XRCC1: variants seen among roughly 807,000 people sequenced by gnomAD.
XRCC1 encodes DNA repair protein XRCC1.
Under a neutral mutation model 83.3 loss-of-function variants are expected in XRCC1, and 52 were observed. The ratio of observed to expected loss-of-function variants is 0.62; its 90% CI spans 0.50 to 0.79. XRCC1 has a LOEUF of 0.79. XRCC1 is among the 30% of genes least tolerant of loss of function. The pLI is 0.00. For synonymous variants in XRCC1, 281 were observed against 312.6 expected (o/e 0.90, Z 1.07); for missense variants, 793 against 823.5 (o/e 0.96, Z 0.45).
At chr19:43,561,851 G>A (rs996277393) in intron 2 of XRCC1, among the ~76,000 whole-genome samples, 4 of 152,060 alleles carry the variant, frequency 2.6e-5, no homozygotes, top group Admixed American at 6.6e-5. Flanking sequence ...CTAGAATGAC[G>A]CATTATTACA....
intron 4 of XRCC1, among the ~76,000 whole-genome samples, chr19:43,554,432 A>T (rs1433669728): frequency 1.0e-5 from 1 of 99,626 alleles, no homozygotes; most frequent in Non-Finnish European, 2.0e-5. Flanking sequence ...GAGATGCTGC[A>T]GTTCACCCTT....
At chr19:43,566,072 C>T (rs1718228048) in intron 2 of XRCC1, among the ~76,000 whole-genome samples, 1 of 151,786 alleles carries the variant, frequency 6.6e-6, no homozygotes, top group African/African-American at 2.4e-5. Flanking sequence ...CCTGTCTCTA[C>T]TAAAAATATA....
chr19:43,553,756 C>T (rs2146053184), intron 4 of XRCC1, 73 bp from the exon 5 acceptor site: 2 of 1,285,820 alleles, frequency 1.6e-6, no homozygotes, highest in Non-Finnish European at 2.1e-6. Context: ...CCTTTTCACT[C>T]AGGGAAACCT....
intron 2 of XRCC1, 49 bp downstream of exon 2, chr19:43,574,861 C>T: frequency 6.7e-7 from 1 of 1,503,220 alleles, no homozygotes; most frequent in Non-Finnish European, 9.3e-7. Context: ...GAATCTGGAA[C>T]CCCGGACTCC....
At chr19:43,556,784 G>A (rs1972640583) in intron 3 of XRCC1, among the ~76,000 whole-genome samples, 1 of 151,710 alleles carries the variant, frequency 6.6e-6, no homozygotes, top group Non-Finnish European at 1.5e-5. Context: ...AAGCCTGGTG[G>A]ACAAGAGGCC....
chr19:43,554,510 A>G (rs1389889173), intron 4 of XRCC1, 136 bp downstream of exon 4: 4 of 1,150,492 alleles, frequency 3.5e-6, no homozygotes, highest in Non-Finnish European at 2.4e-6. Flanking sequence ...CAGGGAACGC[A>G]GGGACCCAGC....
In XRCC1 at chr19:43,552,224, T is replaced by G. The variant is rs753366806; in HGVS notation, c.875A>C (p.Gln292Pro). 4.3e-6 allele frequency: 7 copies of G among 1,613,478 alleles called. No individual in the cohort carries two copies. The South Asian group carries it at 7.7e-5, about 18-fold the overall frequency. ...TCGGGGTTTGCCTGTCACTGCCCCCTGTGCTCGGGCAGGGACTGGGGCTGT... is the reference window on the plus strand; with the variant it reads ...TCGGGGTTTGCCTGTCACTGCCCCCGGTGCTCGGGCAGGGACTGGGGCTGT... ...PATAPVPARA[Q>P]GAVTGKPRGE... Residue 292 changes from glutamine to proline, a missense_variant, in exon 9 of 17, where the codon CAG (glutamine) becomes CCG (proline). Coordinates refer to ENST00000262887, the MANE Select transcript of XRCC1 (RefSeq NM_006297.3).
intron 10 of XRCC1, among the ~76,000 whole-genome samples, chr19:43,547,648 ATTTTGTGTT>A (rs1406141915): frequency 1.3e-5 from 2 of 151,302 alleles, no homozygotes; most frequent in African/African-American, 2.4e-5. Context: ...CGCCTGGCTA[ATTTTGTGTT>A]TTTTGTGTTG....
At chr19:43,561,074 T>C in intron 2 of XRCC1, 54 bp from the exon 3 acceptor site, 2 of 1,392,736 alleles carry the variant, frequency 1.4e-6, no homozygotes, top group East Asian at 2.3e-5. Context: ...CTGGGCTCAC[T>C]GTGGGACCTC....
intron 2 of XRCC1, chr19:43,574,386 A>T (rs3213248): frequency 0.1 from 15,701 of 152,246 alleles, 959 homozygotes; most frequent in Admixed American, 0.16. Context: ...ATTATTCTTT[A>T]AAAAAAATTA....
At chr19:43,551,231 G>A (rs1972571083) in intron 10 of XRCC1, among the ~76,000 whole-genome samples, 1 of 152,146 alleles carries the variant, frequency 6.6e-6, no homozygotes, top group African/African-American at 2.4e-5. Context: ...GCCTCCCAGA[G>A]TGCTGGGATT....
intron 1 of XRCC1, 100 bp downstream of exon 1, chr19:43,575,308 G>A (rs1327830544): frequency 7.7e-7 from 1 of 1,294,560 alleles, no homozygotes; most frequent in Non-Finnish European, 1.1e-6. Context: ...ATCCCCCCAT[G>A]ACTCTCCTTA....
At chr19:43,553,239 G>A (rs1397386683) in intron 6 of XRCC1, 148 bp from the exon 7 acceptor site, 2 of 1,171,422 alleles carry the variant, frequency 1.7e-6, no homozygotes, top group Non-Finnish European at 2.4e-6. Flanking sequence ...CAGGACACAA[G>A]AGGCCAGGCC....
intron 2 of XRCC1, among the ~76,000 whole-genome samples, chr19:43,563,015 C>T (rs1209446244): frequency 6.6e-6 from 1 of 152,234 alleles, no homozygotes; most frequent in Admixed American, 6.5e-5. Context: ...GGCAGGCTGG[C>T]AACAGTCCAC....
At chr19:43,571,039 G>A (rs1972802662) in intron 2 of XRCC1, among the ~76,000 whole-genome samples, 1 of 152,206 alleles carries the variant, frequency 6.6e-6, no homozygotes, top group Non-Finnish European at 1.5e-5. Flanking sequence ...CATGGAGCCA[G>A]CAGGATCCTG....
chr19:43,556,210 T>C (rs758220358), intron 3 of XRCC1, among the ~76,000 whole-genome samples: 5 of 152,184 alleles, frequency 3.3e-5, no homozygotes, highest in Admixed American at 6.5e-5. Context: ...TTAAGGGTTA[T>C]GCACGTGGTG....
chr19:43,556,530 G>A (rs1446220727), intron 3 of XRCC1, among the ~76,000 whole-genome samples: 3 of 152,198 alleles, frequency 2.0e-5, no homozygotes, highest in African/African-American at 4.8e-5. Flanking sequence ...GAGGCCAGGC[G>A]CGGTGGCTCA....
rs1339301692 is a variant in XRCC1 at position 43,553,041 on chromosome 19, C to T, written c.652G>A (p.Ala218Thr). 2 of 1,597,922 alleles carry T rather than the reference C, an allele frequency of 1.3e-6. No individual in the cohort carries two copies. Among genetic ancestry groups the T allele is most frequent in the African/African-American group, 1.3e-5 (1 of 74,898 alleles). The change falls in exon 7 of 17, where the codon GCT (alanine) becomes ACT (threonine). Residue 218 changes from alanine to threonine, a missense_variant. Transcript: ENST00000262887. ...GAGGCTGAGGAGGCAGCACTAGAAG[C>T]CTGGAGGGTAGCAGCTGCATAGCTA... ...GPSYAAATLQ[A>T]SSAASSASPV...
chr19:43,556,285 C>T (rs1233357876), intron 3 of XRCC1, among the ~76,000 whole-genome samples: 1 of 152,176 alleles, frequency 6.6e-6, no homozygotes, highest in Admixed American at 6.5e-5. Flanking sequence ...CAGAGATCCT[C>T]ACCACACTGC....
Sources: gnomAD v4.1 joint callset for allele counts (sites outside exome capture counted in the v4.1 genomes callset) on GRCh38, gnomAD v4.1.1 for gene constraint, MANE v1.5 for transcripts, NCBI Gene and HGNC (gene_info 2026-07-23, HGNC 2026-07-21) for gene names.